The following LANCL2 variants were observed in gnomAD, a reference collection of about 807,000 sequenced individuals.
The protein encoded by LANCL2 is LanC like glutathione S-transferase 2.
In LANCL2, 33 loss-of-function variants were observed where a neutral mutation model predicts 56.9. The observed-to-expected ratio is 0.58, with a 90% CI of 0.44 to 0.78. LANCL2 has a LOEUF of 0.78. Ranked by LOEUF, LANCL2 falls within the 30% of genes least tolerant of loss-of-function variation. LANCL2 has a pLI of 0.00. For missense variants in LANCL2, 562 were observed against 580.2 expected (o/e 0.97, Z 0.32); for synonymous variants, 233 against 228.2 (o/e 1.02, Z -0.19).
At chr7:55,419,971 A>G (rs1790591131) in intron 6 of LANCL2, among the ~76,000 whole-genome samples, 1 of 152,204 alleles carries the variant, frequency 6.6e-6, no homozygotes, top group South Asian at 2.1e-4. Context: ...TGGGCAACAT[A>G]GTGAGACCTC....
At chr7:55,423,552 A>G (rs1790630993) in intron 6 of LANCL2, among the ~76,000 whole-genome samples, 1 of 152,238 alleles carries the variant, frequency 6.6e-6, no homozygotes, top group African/African-American at 2.4e-5. Context: ...TTAAGATGCA[A>G]GTGACAGGAT....
chr7:55,426,251 G>C (rs1790662901), intron 7 of LANCL2, among the ~76,000 whole-genome samples: 1 of 152,204 alleles, frequency 6.6e-6, no homozygotes, highest in Admixed American at 6.5e-5. Context: ...CTAGTACTTG[G>C]AGCAGTGCAT....
chr7:55,419,989 C>CA (rs1451114926), intron 6 of LANCL2, among the ~76,000 whole-genome samples: 1 of 152,068 alleles, frequency 6.6e-6, no homozygotes, highest in East Asian at 1.9e-4. Context: ...CTCATCTCTA[C>CA]AAAAAATCCA....
In LANCL2 at chr7:55,431,567, G is replaced by T. The variant is rs1160798382; in HGVS notation, c.*247G>T. The T allele has an allele frequency of 7.0e-6, 3 of 426,942 alleles. No homozygotes were observed. The highest frequency in any genetic ancestry group is 8.3e-6 in the Non-Finnish European group (2 of 240,332). The allele number at this position is 426,942 out of a possible 1,614,324, so 26.4% of individuals were successfully genotyped here. A position where few individuals can be genotyped will look rare whatever the true frequency, so the allele number is the denominator to read the frequency against. On this transcript the variant is annotated 3_prime_UTR_variant, in exon 9 of 9. Coordinates refer to ENST00000254770, the MANE Select transcript of LANCL2 (RefSeq NM_018697.4). ...GTTTGCATGTTTCTTGGTGTTTGTT[G>T]TCTCCAGGTGTAAGCTGTTTTAAAT...
chr7:55,398,455 G>A lies in LANCL2; in HGVS notation c.355G>A (p.Val119Ile). 3 of 1,614,152 alleles carry A rather than the reference G, an allele frequency of 1.9e-6. No homozygotes were observed. Among genetic ancestry groups the A allele is most frequent in the South Asian group, 1.1e-5 (1 of 91,076 alleles). The change falls in exon 3 of 9, where the codon GTC (valine) becomes ATC (isoleucine). Residue 119 changes from valine to isoleucine, a missense_variant. By Grantham distance (29) the Val-to-Ile change is conservative. Coordinates refer to ENST00000254770, the MANE Select transcript of LANCL2 (RefSeq NM_018697.4). ...CCTTTTGTACCTGCAGTTGTACCGG[G>A]TCACATGTGACCAAACCTACCTGCT... ...IALLYLQLYR[V>I]TCDQTYLLRS...
At chr7:55,371,293 G>A (rs1036150825) in intron 1 of LANCL2, among the ~76,000 whole-genome samples, 37 of 152,096 alleles carry the variant, frequency 2.4e-4, no homozygotes, top group African/African-American at 8.2e-4. Flanking sequence ...CTGGAATGCA[G>A]TGGCATGATT....
At chr7:55,381,799 T>C (rs1790072113) in intron 1 of LANCL2, among the ~76,000 whole-genome samples, 1 of 152,230 alleles carries the variant, frequency 6.6e-6, no homozygotes, top group African/African-American at 2.4e-5. Flanking sequence ...ACCCAGCTTA[T>C]ATCTCATCTT....
At position 55,401,154 on chromosome 7, in the gene LANCL2, C is replaced by T. The variant is rs781574293; in HGVS notation, c.679-20C>T. 1.3e-5 allele frequency: 21 copies of T among 1,609,914 alleles called. No homozygotes were observed. Among genetic ancestry groups the T allele is most frequent in the South Asian group, 4.4e-5 (4 of 90,922 alleles). ...GTACATATACAGTTTTAGATTTATG[C>T]TGTCTTGTTATCTCTGTAGGTAGTC... is the stretch of plus-strand genomic sequence containing the variant. On this transcript the variant is annotated intron_variant, in intron 4 of 8. Coordinates refer to ENST00000254770, the MANE Select transcript of LANCL2 (RefSeq NM_018697.4).
chr7:55,390,512 A>C (rs1790175182), intron 1 of LANCL2, among the ~76,000 whole-genome samples: 1 of 152,198 alleles, frequency 6.6e-6, no homozygotes, highest in Non-Finnish European at 1.5e-5. Context: ...AGGCTGAGGC[A>C]GGAGAATCGC....
chr7:55,424,342 G>A (rs769438094), intron 6 of LANCL2, among the ~76,000 whole-genome samples: 1 of 152,190 alleles, frequency 6.6e-6, no homozygotes, highest in Admixed American at 6.5e-5. Context: ...CAGGGAGGTG[G>A]TGCTTGCTCC....
In LANCL2 at chr7:55,412,082, C is replaced by A; in HGVS notation, c.1001C>A (p.Ala334Glu). The change falls in exon 6 of 9, where the codon GCG (alanine) becomes GAG (glutamate). Residue 334 changes from alanine (A) to glutamate (E), a missense_variant. Ala to Glu is a moderately radical substitution (Grantham distance 107). Coordinates refer to ENST00000254770, the MANE Select transcript of LANCL2 (RefSeq NM_018697.4). ...APGVIHMLMQ[A>E]YKVFKEEKYL... ...GGGGTCATCCACATGCTCATGCAGG[C>A]GTACAAGGTCAGTGCTTCCGCCGTC... 1 of 1,612,664 alleles carries A rather than the reference C, an allele frequency of 6.2e-7. No individual in the cohort carries two copies. The highest frequency in any genetic ancestry group is 2.2e-5 in the East Asian group (1 of 44,850).
chr7:55,399,891 T>G, intron 3 of LANCL2, 66 bp from the exon 4 acceptor site: 2 of 1,282,168 alleles, frequency 1.6e-6, no homozygotes, highest in Non-Finnish European at 2.2e-6. Flanking sequence ...AGCAACAGGG[T>G]TAGTGTTTCA....
chr7:55,400,600 C>T (rs1790310478), intron 4 of LANCL2, among the ~76,000 whole-genome samples: 2 of 151,968 alleles, frequency 1.3e-5, no homozygotes, highest in South Asian at 4.1e-4. Context: ...GCCAGAACTT[C>T]ATCAAGTGTC....
chr7:55,403,013 C>T (rs28476734), intron 5 of LANCL2, among the ~76,000 whole-genome samples: 2,006 of 151,458 alleles, frequency 0.013, 19 homozygotes, highest in Non-Finnish European at 0.024. Flanking sequence ...CAGGCAGAGA[C>T]GCTCCTCACT....
At chr7:55,402,300 G>A (rs1185354574) in intron 5 of LANCL2, among the ~76,000 whole-genome samples, 1 of 25,174 alleles carries the variant, frequency 4.0e-5, no homozygotes, top group Non-Finnish European at 8.1e-5. Flanking sequence ...GCGGGGGGCT[G>A]ACCTCCCCGC....
At chr7:55,402,090 G>C (rs1469015576) in intron 5 of LANCL2, among the ~76,000 whole-genome samples, 1 of 138,354 alleles carries the variant, frequency 7.2e-6, no homozygotes, top group Non-Finnish European at 1.6e-5. Flanking sequence ...GCCGGGCAGA[G>C]GGGCTCCTCA....
At chr7:55,391,760 G>T in intron 1 of LANCL2, 33 bp from the exon 2 acceptor site, 1 of 1,131,938 alleles carries the variant, frequency 8.8e-7, no homozygotes, top group Non-Finnish European at 1.3e-6. Flanking sequence ...CCATTCTTGT[G>T]AAGTTAAAGT....
chr7:55,400,837 T>G (rs1259561622), intron 4 of LANCL2, among the ~76,000 whole-genome samples: 3 of 152,198 alleles, frequency 2.0e-5, no homozygotes, highest in Non-Finnish European at 4.4e-5. Context: ...GCTGCTCTTT[T>G]GGGAAAAATA....
At chr7:55,401,515 CTTTTTTTTT>C (rs58005456) in intron 5 of LANCL2, among the ~76,000 whole-genome samples, 195 bp downstream of exon 5, 6 of 58,050 alleles carry the variant, frequency 1.0e-4, no homozygotes, top group Admixed American at 2.6e-4. Context: ...GGTATGGAGT[CTTTTTTTTT>C]TTTTTTTTTT....
Sources: gnomAD v4.1 joint callset for allele counts (sites outside exome capture counted in the v4.1 genomes callset) on GRCh38, gnomAD v4.1.1 for gene constraint, MANE v1.5 for transcripts, NCBI Gene and HGNC (gene_info 2026-07-23, HGNC 2026-07-21) for gene names.